The following BBX variants were observed in gnomAD, a reference collection of about 807,000 sequenced individuals.
BBX encodes the protein HMG box transcription factor BBX.
A neutral mutation model predicts 100.2 loss-of-function variants in BBX; 30 were observed. That is an observed-to-expected ratio of 0.30 (90% confidence interval 0.22 to 0.41). BBX has a LOEUF of 0.41. Among genes scored for constraint, BBX ranks in the 10% least tolerant of loss-of-function variants. BBX has a pLI of 1.00. For missense variants in BBX, 1,023 were observed against 1,129.8 expected (o/e 0.91, Z 1.35); for synonymous variants, 376 against 388.1 (o/e 0.97, Z 0.37).
chr3:107,651,565 T>C (rs926526872), intron 3 of BBX, among the ~76,000 whole-genome samples: 2 of 152,220 alleles, frequency 1.3e-5, no homozygotes, highest in Admixed American at 1.3e-4. Context: ...TTCTGTTTAC[T>C]TTATCAAGCC....
chr3:107,807,115 T>C lies in BBX; in HGVS notation c.*1658T>C, dbSNP rs751997002. On this transcript the variant is annotated 3_prime_UTR_variant, in exon 18 of 18. Transcript: ENST00000325805. ...TACTAGGTTTAGCTTCTCATGGTTG[T>C]AGATATTACTTCAGTTCCGGTGCTG... 1.3e-5 allele frequency: 2 copies of C among 152,260 alleles called. No homozygotes were observed. The highest frequency in any genetic ancestry group is 2.1e-4 in the South Asian group (1 of 4,820). The allele number at this position is 152,260 out of a possible 1,614,324, so 9.4% of individuals were successfully genotyped here. A position where few individuals can be genotyped will look rare whatever the true frequency, so the allele number is the denominator to read the frequency against.
intron 2 of BBX, among the ~76,000 whole-genome samples, chr3:107,618,294 G>A (rs907076308): frequency 6.6e-6 from 1 of 151,876 alleles, no homozygotes; most frequent in Non-Finnish European, 1.5e-5. Flanking sequence ...AGGGATTTTT[G>A]TATCTGTATT....
intron 2 of BBX, among the ~76,000 whole-genome samples, chr3:107,592,360 CAAA>C (rs398052177): frequency 4.0e-5 from 3 of 74,900 alleles, no homozygotes; most frequent in African/African-American, 5.3e-5. Flanking sequence ...GACCCTGTCT[CAAA>C]AAAAAAAAAA....
intron 2 of BBX, among the ~76,000 whole-genome samples, chr3:107,627,905 TTA>T (rs1318998591): frequency 6.6e-6 from 1 of 152,066 alleles, no homozygotes; most frequent in East Asian, 1.9e-4. Context: ...CCTGTTTTGA[TTA>T]TGTTTTCAAT....
At chr3:107,680,576 A>G (rs1214143266) in intron 3 of BBX, among the ~76,000 whole-genome samples, 4 of 152,194 alleles carry the variant, frequency 2.6e-5, no homozygotes, top group African/African-American at 4.8e-5. Flanking sequence ...GTTTTCTGTC[A>G]GAAACCACTG....
At chr3:107,629,716 T>C (rs947900298) in intron 2 of BBX, among the ~76,000 whole-genome samples, 1 of 152,200 alleles carries the variant, frequency 6.6e-6, no homozygotes, top group African/African-American at 2.4e-5. Flanking sequence ...AGCCACAGAA[T>C]GCATTCTTAA....
intron 7 of BBX, 92 bp from the exon 8 acceptor site, chr3:107,744,538 T>C: frequency 1.1e-6 from 1 of 919,282 alleles, no homozygotes. Flanking sequence ...CTGTTGTTGA[T>C]AATAAAGATC....
chr3:107,631,753 CTT>C (rs1279951832), intron 2 of BBX, among the ~76,000 whole-genome samples: 1 of 152,098 alleles, frequency 6.6e-6, no homozygotes, highest in Non-Finnish European at 1.5e-5. Context: ...ACGGAAGACT[CTT>C]TAACTTCTCT....
chr3:107,794,005 T>C (rs1261860406), intron 15 of BBX, among the ~76,000 whole-genome samples: 1 of 152,172 alleles, frequency 6.6e-6, no homozygotes, highest in Non-Finnish European at 1.5e-5. Context: ...AAAAAAATTG[T>C]CCACAGGCTA....
intron 2 of BBX, among the ~76,000 whole-genome samples, chr3:107,640,431 CCTGT>C (rs2057119280): frequency 6.6e-6 from 1 of 152,188 alleles, no homozygotes; most frequent in Admixed American, 6.5e-5. Context: ...TCTCCTCCAT[CCTGT>C]CTGTCTGTAT....
At chr3:107,682,924 C>T (rs2059643445) in intron 3 of BBX, among the ~76,000 whole-genome samples, 6 of 152,134 alleles carry the variant, frequency 3.9e-5, no homozygotes, top group Admixed American at 2.6e-4. Context: ...CTTTGTCCTC[C>T]ATTAAATCAT....
chr3:107,636,115 T>C (rs2056837654), intron 2 of BBX, among the ~76,000 whole-genome samples: 1 of 152,230 alleles, frequency 6.6e-6, no homozygotes, highest in South Asian at 2.1e-4. Context: ...TTTTGCATGC[T>C]TTGCCATGAT....
At chr3:107,784,736 A>G (rs1197533496) in intron 13 of BBX, among the ~76,000 whole-genome samples, 1 of 151,896 alleles carries the variant, frequency 6.6e-6, no homozygotes, top group African/African-American at 2.4e-5. Flanking sequence ...CTAGCCTTCT[A>G]CTGTAAGACA....
At chr3:107,757,376 A>T (rs938489804) in intron 10 of BBX, among the ~76,000 whole-genome samples, 6 of 152,190 alleles carry the variant, frequency 3.9e-5, no homozygotes, top group Non-Finnish European at 7.3e-5. Flanking sequence ...CATCCCAAAT[A>T]TGAAACAGAT....
At chr3:107,651,310 G>A (rs1283482731) in intron 3 of BBX, among the ~76,000 whole-genome samples, 1 of 152,154 alleles carries the variant, frequency 6.6e-6, no homozygotes, top group Non-Finnish European at 1.5e-5. Context: ...CTTTTGAGGA[G>A]GGAGACGTTT....
intron 3 of BBX, among the ~76,000 whole-genome samples, chr3:107,699,718 G>C (rs1351539962): frequency 1.3e-5 from 2 of 151,870 alleles, no homozygotes; most frequent in African/African-American, 4.9e-5. Flanking sequence ...AGGCTTTCCA[G>C]ATGCTTATGT....
intron 2 of BBX, chr3:107,599,615 T>C (rs2053920891): frequency 6.6e-6 from 1 of 152,146 alleles, no homozygotes; most frequent in Admixed American, 6.5e-5. Flanking sequence ...TGGAAAGGTG[T>C]TGGCTGTGGA....
intron 2 of BBX, among the ~76,000 whole-genome samples, chr3:107,640,427 C>A (rs1190675486): frequency 6.6e-6 from 1 of 152,146 alleles, no homozygotes; most frequent in East Asian, 1.9e-4. Context: ...ACACTCTCCT[C>A]CATCCTGTCT....
chr3:107,567,090 A>G (rs1475658829), intron 2 of BBX, among the ~76,000 whole-genome samples: 1 of 151,998 alleles, frequency 6.6e-6, no homozygotes, highest in African/African-American at 2.4e-5. Context: ...CTGTTATTTC[A>G]TTATTTCTTA....
Sources: allele counts gnomAD v4.1 joint callset (sites outside exome capture counted in the v4.1 genomes callset), GRCh38; gene constraint gnomAD v4.1.1; transcripts MANE v1.5; gene names NCBI Gene and HGNC (gene_info 2026-07-23, HGNC 2026-07-21).